The following CEP63 variants were observed in gnomAD, a reference collection of about 807,000 sequenced individuals.
CEP63 encodes centrosomal protein 63, also known as centrosomal protein of 63 kDa.
A neutral mutation model predicts 89.1 loss-of-function variants in CEP63; 84 were observed. The observed-to-expected ratio is 0.94, with a 90% CI of 0.79 to 1.13. The LOEUF (loss-of-function observed/expected upper bound fraction) is 1.13, where lower values mean the gene tolerates loss of function less well. Among genes scored for constraint, CEP63 ranks in the 50% most tolerant of loss-of-function variants. CEP63 has a pLI of 0.00. For synonymous variants in CEP63, 267 were observed against 272.5 expected, an observed-to-expected ratio of 0.98 and a Z score of 0.20; for missense variants, 838 against 813.3, an observed-to-expected ratio of 1.03 and a Z score of -0.37.
intron 2 of CEP63, among the ~76,000 whole-genome samples, chr3:134,504,943 A>G (rs1020410995): frequency 1.4e-4 from 22 of 152,070 alleles, no homozygotes; most frequent in African/African-American, 4.8e-4. Context: ...TGAATTCTTC[A>G]GTTTCAGGAT....
chr3:134,651,174 G>A, the CEP63 span: 15 of 1,404,166 alleles, frequency 1.1e-5, no homozygotes, highest in Admixed American at 2.7e-5. Context: ...CTAATGAAGC[G>A]GCTCTAAGTC....
At chr3:134,571,133 A>T (rs568047851) in intron 11 of CEP63, among the ~76,000 whole-genome samples, 1 of 152,220 alleles carries the variant, frequency 6.6e-6, no homozygotes, top group Non-Finnish European at 1.5e-5. Flanking sequence ...GTTTTTTAAG[A>T]ATATGCCAAA....
In CEP63 at chr3:134,574,233, G is replaced by T. The variant is rs116027316; in HGVS notation, c.1330-560G>T. On this transcript the variant is annotated intron_variant, in intron 11 of 11. Coordinates refer to the CEP63 transcript ENST00000354446. Reference sequence around the variant, plus strand: ...CCGAAGTGCAGCTCCTTAGGACTGGGGTGAGAAGAGAGATGGAGGAGCGGC... The same window carrying T: ...CCGAAGTGCAGCTCCTTAGGACTGGTGTGAGAAGAGAGATGGAGGAGCGGC... Among the ~76,000 whole-genome samples, 698 of 152,304 alleles carry T rather than the reference G, an allele frequency of 4.6e-3. 11 individuals are homozygous for T. Among genetic ancestry groups the T allele is most frequent in the African/African-American group, 0.016 (673 of 41,556 alleles).
At chr3:134,767,789 G>T in the CEP63 span, among the ~76,000 whole-genome samples, 1 of 152,166 alleles carries the variant, frequency 6.6e-6, no homozygotes. Flanking sequence ...GCTGTGCCAG[G>T]TGCCATGCTC....
the CEP63 span, among the ~76,000 whole-genome samples, chr3:134,689,444 TA>T: frequency 1.3e-5 from 2 of 149,550 alleles, no homozygotes; most frequent in African/African-American, 2.5e-5. Flanking sequence ...GGACCTTATT[TA>T]TTATTATTAT....
chr3:134,547,628 T>TTTTTTTTTTTTTTTTTTTTTTTG (rs1182808443), intron 9 of CEP63, among the ~76,000 whole-genome samples, 156 bp downstream of exon 9: 2 of 122,608 alleles, frequency 1.6e-5, no homozygotes, highest in Non-Finnish European at 1.7e-5. Flanking sequence ...TTTTTTTTTT[T>TTTTTTTTTTTTTTTTTTTTTTTG]TGAGACGGAG....
At chr3:134,696,476 A>C in the CEP63 span, among the ~76,000 whole-genome samples, 8,914 of 152,282 alleles carry the variant, frequency 0.059, 465 homozygotes, top group South Asian at 0.29. Flanking sequence ...CTCAGACTAC[A>C]TGCGGCATCC....
the CEP63 span, among the ~76,000 whole-genome samples, chr3:134,661,815 C>T: frequency 4.4e-4 from 66 of 151,360 alleles, 1 homozygote; most frequent in African/African-American, 1.5e-3. Flanking sequence ...GTGCCCCCCC[C>T]CTCAAATTCA....
At chr3:134,706,723 G>A in the CEP63 span, among the ~76,000 whole-genome samples, 2,023 of 152,344 alleles carry the variant, frequency 0.013, 22 homozygotes, top group South Asian at 0.029. Context: ...TAGGTTAGAA[G>A]TCTGAAATCA....
the CEP63 span, among the ~76,000 whole-genome samples, chr3:134,705,341 C>T: frequency 2.0e-5 from 3 of 152,058 alleles, no homozygotes; most frequent in African/African-American, 7.2e-5. Flanking sequence ...AGTGGGGGGT[C>T]TTACGGGAGA....
chr3:134,545,498 T>C, intron 6 of CEP63, 88 bp from the exon 7 acceptor site: 1 of 963,496 alleles, frequency 1.0e-6, no homozygotes, highest in South Asian at 1.4e-5. Flanking sequence ...TTTATGTTTT[T>C]ATGGAAATAA....
the CEP63 span, among the ~76,000 whole-genome samples, chr3:134,715,143 A>G: frequency 6.6e-6 from 1 of 152,076 alleles, no homozygotes; most frequent in African/African-American, 2.4e-5. Context: ...TGTAATTTGC[A>G]TGCATTCTTC....
At chr3:134,625,230 C>A in the CEP63 span, 3 of 935,820 alleles carry the variant, frequency 3.2e-6, no homozygotes, top group Non-Finnish European at 5.1e-6. Flanking sequence ...CTGTGACTGT[C>A]CAACCTTTAA....
downstream of CEP63, among the ~76,000 whole-genome samples, chr3:134,568,900 G>T (rs552505938): frequency 1.6e-4 from 24 of 152,282 alleles, no homozygotes; most frequent in South Asian, 5.0e-3. Context: ...AGAGAAAGAG[G>T]TGTAATAGAC....
chr3:134,723,169 T>G, the CEP63 span, among the ~76,000 whole-genome samples: 1 of 152,224 alleles, frequency 6.6e-6, no homozygotes. Context: ...GCCCTAATTT[T>G]TCACCCCTCC....
the CEP63 span, among the ~76,000 whole-genome samples, chr3:134,742,859 A>G: frequency 6.6e-6 from 1 of 152,238 alleles, no homozygotes; most frequent in East Asian, 1.9e-4. Context: ...GTGGACTTCC[A>G]GCCTCCAGAA....
chr3:134,651,267 C>G, the CEP63 span: 3 of 1,202,410 alleles, frequency 2.5e-6, no homozygotes, highest in Non-Finnish European at 3.1e-6. Flanking sequence ...CAGAGCCTCC[C>G]TCCCTGCGCC....
chr3:134,557,334 ATGTT>A (rs1288502016), intron 12 of CEP63, among the ~76,000 whole-genome samples: 1 of 119,554 alleles, frequency 8.4e-6, no homozygotes, highest in Non-Finnish European at 1.7e-5. Flanking sequence ...TAGGAAAATT[ATGTT>A]TGTCAGACCA....
chr3:134,658,297 G>A, the CEP63 span, among the ~76,000 whole-genome samples: 1 of 152,156 alleles, frequency 6.6e-6, no homozygotes, highest in Admixed American at 6.5e-5. Flanking sequence ...GTGTGCATGT[G>A]TGTGTTTAAA....
Sources: gnomAD v4.1 joint callset for allele counts (sites outside exome capture counted in the v4.1 genomes callset) on GRCh38, gnomAD v4.1.1 for gene constraint, MANE v1.5 for transcripts, NCBI Gene and HGNC (gene_info 2026-07-23, HGNC 2026-07-21) for gene names.